GPHN: variants seen among roughly 807,000 people sequenced by gnomAD.
GPHN encodes the protein gephyrin.
GPHN carries 17 observed loss-of-function variants against 95.5 expected under a neutral mutation model. The observed-to-expected ratio is 0.18, with a 90% confidence interval of 0.12 to 0.27. GPHN has a LOEUF of 0.27. Ranked by LOEUF, GPHN falls within the 10% of genes least tolerant of loss-of-function variation. The pLI is 1.00. For synonymous variants in GPHN, 320 were observed against 322.5 expected (o/e 0.99, Z 0.08); for missense variants, 660 against 978.1 (o/e 0.67, Z 4.34).
chr14:66,560,332 G>T (rs1321277817), intron 1 of GPHN, among the ~76,000 whole-genome samples: 3 of 152,172 alleles, frequency 2.0e-5, no homozygotes, highest in Non-Finnish European at 1.5e-5. Context: ...ACCTTGGGCA[G>T]TTTGGCCATT....
In GPHN at chr14:66,611,241, G is replaced by A. The variant is rs2062767089; in HGVS notation, c.65-69866G>A. Reference sequence around the variant, plus strand: ...TTTTTGTTCGTTAGAAGTTACATGAGGGCAGTTATGACTTCTGTTCACTAA... The same window carrying A: ...TTTTTGTTCGTTAGAAGTTACATGAAGGCAGTTATGACTTCTGTTCACTAA... On this transcript the variant is annotated intron_variant, in intron 1 of 22. Transcript: ENST00000478722. Among the ~76,000 whole-genome samples, 9 of 152,096 alleles carry A rather than the reference G, an allele frequency of 5.9e-5. No homozygotes were observed. In the South Asian group the frequency reaches 1.7e-3, roughly 28 times the overall value.
chr14:67,310,226 T>G, the GPHN span, among the ~76,000 whole-genome samples: 1 of 152,174 alleles, frequency 6.6e-6, no homozygotes, highest in Admixed American at 6.5e-5. Flanking sequence ...TAGTGCTGAC[T>G]GAGAAAGATT....
At chr14:66,602,090 G>A (rs947017205) in intron 1 of GPHN, among the ~76,000 whole-genome samples, 2 of 151,882 alleles carry the variant, frequency 1.3e-5, no homozygotes, top group Non-Finnish European at 2.9e-5. Context: ...CTGATAACCA[G>A]CAAAGTTCCT....
chr14:67,501,971 C>T, the GPHN span, among the ~76,000 whole-genome samples: 1 of 152,102 alleles, frequency 6.6e-6, no homozygotes, highest in Admixed American at 6.6e-5. Flanking sequence ...TTTTATAGTG[C>T]TTCAGATTTC....
At chr14:66,705,135 T>C (rs534231767) in intron 2 of GPHN, among the ~76,000 whole-genome samples, 45 of 152,356 alleles carry the variant, frequency 3.0e-4, no homozygotes, top group African/African-American at 1.1e-3. Flanking sequence ...AATCCCTGAA[T>C]TGACCAATAA....
intron 2 of GPHN, among the ~76,000 whole-genome samples, chr14:66,745,029 A>G (rs1209266530): frequency 6.6e-6 from 1 of 152,106 alleles, no homozygotes. Context: ...ACGTGCCTTA[A>G]AAGATCAAGT....
intron 3 of GPHN, among the ~76,000 whole-genome samples, chr14:66,799,134 CT>C (rs1382020902): frequency 6.6e-6 from 1 of 151,816 alleles, no homozygotes; most frequent in Non-Finnish European, 1.5e-5. Context: ...CAAAATTCCT[CT>C]TGTTATTGAT....
At chr14:66,583,103 T>G (rs1302779823) in intron 1 of GPHN, among the ~76,000 whole-genome samples, 2 of 151,560 alleles carry the variant, frequency 1.3e-5, no homozygotes, top group African/African-American at 4.9e-5. Context: ...GGTATCTCAT[T>G]GTGGTTTTGA....
chr14:66,895,147 G>A (rs1278874671), intron 5 of GPHN, among the ~76,000 whole-genome samples: 1 of 152,192 alleles, frequency 6.6e-6, no homozygotes, highest in African/African-American at 2.4e-5. Flanking sequence ...AGAAAATGTG[G>A]CACATATACA....
intron 1 of GPHN, among the ~76,000 whole-genome samples, chr14:66,553,860 C>T (rs2059914149): frequency 6.6e-6 from 1 of 152,196 alleles, no homozygotes; most frequent in Admixed American, 6.5e-5. Flanking sequence ...CAGGCATGAG[C>T]CACCACCCCC....
chr14:67,377,179 T>G, the GPHN span, among the ~76,000 whole-genome samples: 2 of 152,238 alleles, frequency 1.3e-5, no homozygotes, highest in Admixed American at 1.3e-4. Context: ...TGATACATCA[T>G]TTTAACGACT....
chr14:67,584,532 C>T, the GPHN span, among the ~76,000 whole-genome samples: 1 of 152,196 alleles, frequency 6.6e-6, no homozygotes, highest in Admixed American at 6.5e-5. Context: ...TGTATGAAGG[C>T]CAGGTGGCCA....
At chr14:67,377,070 A>G in the GPHN span, among the ~76,000 whole-genome samples, 2 of 152,072 alleles carry the variant, frequency 1.3e-5, no homozygotes, top group Non-Finnish European at 2.9e-5. Flanking sequence ...ATTATTTGTC[A>G]TCTTAATTCT....
chr14:66,855,730 C>CTTATACTATAGATAAAGAACTATAGTTCT (rs1366028523), intron 4 of GPHN, among the ~76,000 whole-genome samples: 7 of 151,864 alleles, frequency 4.6e-5, no homozygotes, highest in African/African-American at 1.5e-4. Flanking sequence ...GGTTTTAGTT[C>CTTATACTATAGATAAAGAACTATAGTTCT]TTATACTATA....
At chr14:67,697,272 A>G in the GPHN span, among the ~76,000 whole-genome samples, 8 of 152,216 alleles carry the variant, frequency 5.3e-5, no homozygotes, top group Non-Finnish European at 7.3e-5. Context: ...GAGCTTTTAC[A>G]AGGGAGAGGA....
the GPHN span, among the ~76,000 whole-genome samples, chr14:67,287,794 A>G: frequency 1.3e-5 from 2 of 152,272 alleles, no homozygotes; most frequent in Admixed American, 6.5e-5. Flanking sequence ...GAAAGGCTAC[A>G]TGGCGTAGCA....
the GPHN span, among the ~76,000 whole-genome samples, chr14:67,430,036 C>T: frequency 6.6e-6 from 1 of 152,172 alleles, no homozygotes; most frequent in East Asian, 1.9e-4. Context: ...AAAGTCGCTG[C>T]TCTTAATGAT....
At chr14:66,906,629 A>G (rs2065393645) in intron 5 of GPHN, among the ~76,000 whole-genome samples, 1 of 151,916 alleles carries the variant, frequency 6.6e-6, no homozygotes, top group African/African-American at 2.4e-5. Context: ...TGTGCTGTTC[A>G]TTTGCTTTTG....
At chr14:67,493,496 C>G in the GPHN span, among the ~76,000 whole-genome samples, 4 of 152,224 alleles carry the variant, frequency 2.6e-5, no homozygotes, top group African/African-American at 9.6e-5. Context: ...TCGTAACTGA[C>G]ACAGGCCGCA....
Sources: allele counts gnomAD v4.1 joint callset (sites outside exome capture counted in the v4.1 genomes callset), GRCh38; gene constraint gnomAD v4.1.1; transcripts MANE v1.5; gene names NCBI Gene and HGNC (gene_info 2026-07-23, HGNC 2026-07-21).